Variants in CDK5RAP3 observed in about 807,000 individuals in gnomAD.
CDK5RAP3 encodes CDK5 regulatory subunit associated protein 3, also known as CDK5 regulatory subunit-associated protein 3.
A neutral mutation model predicts 73.3 loss-of-function variants in CDK5RAP3; 58 were observed. That is an observed-to-expected ratio of 0.79 (90% CI 0.64 to 0.98). The LOEUF is 0.98. CDK5RAP3 is among the 50% of genes least tolerant of loss of function. The pLI is 0.00. For synonymous variants in CDK5RAP3, 224 were observed against 247.5 expected, an observed-to-expected ratio of 0.91 and a Z score of 0.89; for missense variants, 525 against 615.8, an observed-to-expected ratio of 0.85 and a Z score of 1.56.
At chr17:47,968,943 G>A (rs1040380586), upstream of CDK5RAP3, among the ~76,000 whole-genome samples, 18 of 152,240 alleles carry the variant, frequency 1.2e-4, no homozygotes, top group Admixed American at 5.9e-4. Flanking sequence ...GAGCCACCGC[G>A]CCTGGCCCAT....
chr17:47,970,457 T>G (rs2036235331), upstream of CDK5RAP3: 4 of 567,096 alleles, frequency 7.1e-6, no homozygotes, highest in Non-Finnish European at 1.3e-5. Flanking sequence ...CCACCTAAGC[T>G]TTGTCTGTGT....
upstream of CDK5RAP3, among the ~76,000 whole-genome samples, chr17:47,969,580 A>AAAAAAAAAAAAAAAAAAAAAG (rs1567720961): frequency 9.1e-5 from 12 of 131,324 alleles, no homozygotes; most frequent in African/African-American, 3.2e-4. Flanking sequence ...AAAAAAAAAA[A>AAAAAAAAAAAAAAAAAAAAAG]AAAAGAAAAG....
chr17:47,978,578 A>G, intron 10 of CDK5RAP3: 1 of 494,276 alleles, frequency 2.0e-6, no homozygotes, highest in Non-Finnish European at 3.6e-6. Context: ...GGTCCACCAG[A>G]GCAGAGAGCC....
intron 4 of CDK5RAP3, 100 bp downstream of exon 4, chr17:47,974,131 C>A: frequency 1.2e-6 from 1 of 831,604 alleles, no homozygotes; most frequent in East Asian, 2.4e-5. Context: ...GGGATGCCTA[C>A]ATAGAATATT....
Position 47,981,369 on chromosome 17 carries a change from A to T in CDK5RAP3, c.1455+35A>T, listed in dbSNP as rs1295376312. ...GAAAGGGAGGCCTGCCAGTGGGAGG[A>T]CTCCCAGTCTGTGCAAAATGAGGCC... is the stretch of plus-strand genomic sequence containing the variant. On this transcript the variant is annotated intron_variant, in intron 13 of 13. Transcript: ENST00000338399. The T allele has an allele frequency of 1.9e-6, 3 of 1,612,960 alleles. No homozygotes were observed. The Admixed American group carries it at 5.0e-5, about 27-fold the overall frequency.
upstream of CDK5RAP3, chr17:47,971,055 T>C: frequency 6.5e-7 from 1 of 1,548,826 alleles, no homozygotes; most frequent in Non-Finnish European, 8.7e-7. Context: ...TGCCCGTTTG[T>C]GTCTAAACGG....
intron 5 of CDK5RAP3, chr17:47,974,919 C>T (rs2036362028): frequency 1.4e-6 from 2 of 1,397,760 alleles, no homozygotes; most frequent in East Asian, 5.6e-5. Flanking sequence ...AGGAATTGTG[C>T]TTGGTGTGTC....
At chr17:47,971,031 A>C (rs575567319), upstream of CDK5RAP3, 254 of 1,526,766 alleles carry the variant, frequency 1.7e-4, no homozygotes, top group South Asian at 3.0e-3. Context: ...GAAGGCGGCG[A>C]CGTGGCCGAA....
In CDK5RAP3 at chr17:47,975,503, C is replaced by T; in HGVS notation, c.514-11C>T. ...CAATCTGTTGGACTCCACCTCTTCT[C>T]CCCTCTCTAGGGCGAAAATGTCCGA... On this transcript the variant is annotated splice_polypyrimidine_tract_variant and intron_variant, in intron 6 of 13. Transcript: ENST00000338399. 2 of 1,610,576 alleles carry T rather than the reference C, an allele frequency of 1.2e-6. No individual in the cohort carries two copies. Among genetic ancestry groups the T allele is most frequent in the Non-Finnish European group, 1.7e-6 (2 of 1,180,026 alleles).
intron 2 of CDK5RAP3, among the ~76,000 whole-genome samples, chr17:47,971,911 C>T (rs947544856): frequency 6.6e-6 from 1 of 152,164 alleles, no homozygotes; most frequent in Admixed American, 6.5e-5. Context: ...GGGAGAATTG[C>T]TTGAACCCCG....
At chr17:47,970,881 C>T, upstream of CDK5RAP3, 1 of 1,429,946 alleles carries the variant, frequency 7.0e-7, no homozygotes, top group African/African-American at 1.4e-5. Flanking sequence ...CGCACCCCCT[C>T]CCGTCCCCTG....
intron 9 of CDK5RAP3, among the ~76,000 whole-genome samples, 197 bp from the exon 10 acceptor site, chr17:47,977,635 G>C (rs565604206): frequency 2.0e-5 from 3 of 152,158 alleles, no homozygotes; most frequent in Admixed American, 2.0e-4. Flanking sequence ...AGGGTGTAGG[G>C]GTAAAGGCAG....
chr17:47,974,158 T>C, intron 4 of CDK5RAP3, 127 bp downstream of exon 4: 1 of 752,340 alleles, frequency 1.3e-6, no homozygotes, highest in Non-Finnish European at 2.3e-6. Flanking sequence ...ACTTTCACTC[T>C]GTCTCTATAG....
chr17:47,978,993 G>C, intron 11 of CDK5RAP3, 76 bp downstream of exon 11: 1 of 1,062,332 alleles, frequency 9.4e-7, no homozygotes, highest in Non-Finnish European at 1.5e-6. Context: ...TGCCTGACCT[G>C]ACCCCTCCTG....
intron 2 of CDK5RAP3, among the ~76,000 whole-genome samples, 168 bp downstream of exon 2, chr17:47,971,575 G>A (rs1236033727): frequency 6.6e-6 from 1 of 152,232 alleles, no homozygotes; most frequent in South Asian, 2.1e-4. Context: ...TGATAGCAGC[G>A]GGAACGAACC....
chr17:47,971,003 A>G, upstream of CDK5RAP3: 2 of 1,503,240 alleles, frequency 1.3e-6, no homozygotes, highest in Middle Eastern at 2.2e-4. Flanking sequence ...TGGAGCGTAA[A>G]CCCTGATTGG....
Position 47,975,634 on chromosome 17 carries a change from G to T in CDK5RAP3, c.634G>T (p.Val212Leu). Residue 212 changes from valine (V) to leucine (L), a missense_variant, in exon 7 of 14, where the codon GTG becomes TTG. By Grantham distance (32) the Val-to-Leu change is conservative (BLOSUM62 1). Around this residue, in one of 2 missense-constraint regions of CDK5RAP3, gnomAD observed 409 missense variants for 429.8 expected, o/e 0.95. Transcript: ENST00000338399. The part of the protein sequence containing the change: ...GEAIDVYQAS[V>L]GFVCESPTEQ... ...AGCCATTGACGTGTACCAGGCGTCT[G>T]TGGGGTTTGTGTGTGAGAGGTAGAG... 2 of 1,602,988 alleles carry T rather than the reference G, an allele frequency of 1.2e-6. No homozygotes were observed. The highest frequency in any genetic ancestry group is 1.7e-6 in the Non-Finnish European group (2 of 1,178,552).
At chr17:47,976,943 G>A in intron 9 of CDK5RAP3, 121 bp downstream of exon 9, 2 of 556,880 alleles carry the variant, frequency 3.6e-6, no homozygotes, top group East Asian at 7.1e-5. Context: ...TATAGTCCAA[G>A]GGAGGCAGAG....
Position 47,980,660 on chromosome 17 carries a change from A to G in CDK5RAP3, c.1145A>G (p.Gln382Arg). 3 of 1,614,070 alleles carry G rather than the reference A, an allele frequency of 1.9e-6. No homozygotes were observed. Among genetic ancestry groups the G allele is most frequent in the Non-Finnish European group, 2.5e-6 (3 of 1,180,032 alleles). Residue 382 changes from glutamine to arginine, a missense_variant, in exon 12 of 14, where the codon CAG (glutamine) becomes CGG (arginine). By Grantham distance (43) the Gln-to-Arg change is conservative. Coordinates refer to ENST00000338399, the MANE Select transcript of CDK5RAP3 (RefSeq NM_176096.3). ...SEEADVLSVS[Q>R]FQLAPAILQG... is the part of the protein sequence containing the mutation. ...GAGGCAGATGTCCTGTCTGTGAGCC[A>G]GTTCCAGCTGGCTCCAGCCATCCTG...
Sources: gnomAD v4.1 joint callset for allele counts (sites outside exome capture counted in the v4.1 genomes callset) on GRCh38, gnomAD v4.1.1 for gene constraint, gnomAD v4.1.1 regional missense constraint, MANE v1.5 for transcripts, NCBI Gene and HGNC (gene_info 2026-07-23, HGNC 2026-07-21) for gene names.